Variants in RNF138 observed in about 807,000 individuals in gnomAD.
RNF138 encodes ring finger protein 138.
A neutral mutation model predicts 31.0 loss-of-function variants in RNF138; 12 were observed. The observed-to-expected ratio is 0.39, with a 90% CI of 0.25 to 0.63. The LOEUF (loss-of-function observed/expected upper bound fraction) is 0.63. RNF138 is among the 20% of genes least tolerant of loss of function. RNF138 has a pLI of 0.52. For missense variants in RNF138, 192 were observed against 300.1 expected (o/e 0.64, Z 2.66); for synonymous variants, 105 against 99.5 (o/e 1.06, Z -0.33).
At chr18:32,114,318 T>G (rs1013765334) in intron 4 of RNF138, among the ~76,000 whole-genome samples, 1 of 152,218 alleles carries the variant, frequency 6.6e-6, no homozygotes, top group Non-Finnish European at 1.5e-5. Context: ...CAGTTCTGTT[T>G]GAGTCTCATT....
chr18:32,103,598 C>T (rs971161534), intron 2 of RNF138, among the ~76,000 whole-genome samples: 2 of 152,024 alleles, frequency 1.3e-5, no homozygotes, highest in African/African-American at 2.4e-5. Flanking sequence ...AGCAATTTTC[C>T]ACAAAATATT....
At chr18:32,118,395 G>A (rs1236397024) in intron 4 of RNF138, among the ~76,000 whole-genome samples, 11 of 151,904 alleles carry the variant, frequency 7.2e-5, no homozygotes, top group African/African-American at 1.2e-4. Context: ...TTAGCCAGGC[G>A]TGGTGGCACA....
chr18:32,093,623 G>A (rs905530972), intron 2 of RNF138, among the ~76,000 whole-genome samples: 1 of 152,182 alleles, frequency 6.6e-6, no homozygotes, highest in African/African-American at 2.4e-5. Flanking sequence ...GGGTGGAGAG[G>A]AGAAAGGAAG....
rs572112464 is a variant in RNF138 at position 32,093,698 on chromosome 18, G to A, written c.110+812G>A. 1.2e-4 allele frequency among the ~76,000 whole-genome samples: 18 copies of A among 152,330 alleles called. No individual in the cohort carries two copies. In the East Asian group the frequency reaches 3.5e-3, roughly 29 times the overall value. On this transcript the variant is annotated intron_variant, in intron 2 of 7. Transcript: ENST00000261593. The stretch of plus-strand genomic sequence containing the variant: ...CCAGGGTGGGGGAGAACACAAAGGG[G>A]TTGGGTGAGATAACGCATGCGTTTG...
At chr18:32,119,116 T>G (rs1281620994) in intron 4 of RNF138, among the ~76,000 whole-genome samples, 2 of 152,192 alleles carry the variant, frequency 1.3e-5, no homozygotes, top group Admixed American at 6.5e-5. Flanking sequence ...GATAAACCAT[T>G]TGGTAACATT....
chr18:32,116,416 T>C (rs1341163805), intron 4 of RNF138, among the ~76,000 whole-genome samples: 1 of 152,192 alleles, frequency 6.6e-6, no homozygotes, highest in East Asian at 1.9e-4. Flanking sequence ...TTTAGTCTTA[T>C]TTATTTCTAT....
rs2040446250 is a variant in RNF138, at chr18:32,129,934, A to C, written c.*747A>C. 6.6e-6 allele frequency: 1 copy of C among 152,174 alleles called. No individual in the cohort carries two copies. Among genetic ancestry groups the C allele is most frequent in the Non-Finnish European group, 1.5e-5 (1 of 67,934 alleles). The allele number at this position is 152,174 out of a possible 1,614,324, so 9.4% of individuals were successfully genotyped here. A position where few individuals can be genotyped will look rare whatever the true frequency, so the allele number is the denominator to read the frequency against. On this transcript the variant is annotated 3_prime_UTR_variant, in exon 8 of 8. Transcript: ENST00000261593. ...CTGAATAACAGCTCTTTGGCCTCAGAATTTTCAGTAGCCAGTATTTCTGAT... is the reference window on the plus strand; with the variant it reads ...CTGAATAACAGCTCTTTGGCCTCAGCATTTTCAGTAGCCAGTATTTCTGAT...
At position 32,093,127 on chromosome 18, in the gene RNF138, GCTCTC is replaced by G. The variant is rs1286082237; in HGVS notation, c.110+243_110+247del. 5.7e-4 allele frequency among the ~76,000 whole-genome samples: 87 copies of G among 151,496 alleles called. 1 individual carries two copies. The highest frequency in any genetic ancestry group is 1.9e-3 in the African/African-American group (80 of 41,374). ...CAAGCTCCCGCTCTCCCGCTCTCCC[GCTCTC>G]CCGCTCTCCCGCTCTCCCTGGCTTT... On this transcript the variant is annotated intron_variant, in intron 2 of 7. Transcript: ENST00000261593.
At chr18:32,101,986 C>T (rs992546474) in intron 2 of RNF138, among the ~76,000 whole-genome samples, 4 of 151,816 alleles carry the variant, frequency 2.6e-5, no homozygotes, top group Admixed American at 6.6e-5. Flanking sequence ...AAGCGATCCT[C>T]CCACCTCAGC....
intron 2 of RNF138, among the ~76,000 whole-genome samples, chr18:32,100,018 C>G (rs1022895343): frequency 6.6e-6 from 1 of 152,186 alleles, no homozygotes; most frequent in African/African-American, 2.4e-5. Flanking sequence ...GATTTGAGAA[C>G]TGTCAATTAT....
rs1175427545 is a variant in RNF138, at chr18:32,111,866, C to T, written c.223C>T (p.Leu75Phe). 5 of 1,613,286 alleles carry T rather than the reference C, an allele frequency of 3.1e-6. No individual in the cohort carries two copies. Among genetic ancestry groups the T allele is most frequent in the East Asian group, 2.2e-5 (1 of 44,850 alleles). ...ERACPERALD[L>F]ENIMRKFSGS... Reference sequence around the variant, plus strand: ...AGCATGTCCTGAACGGGCCTTAGACCTTGAAAATATAATGAGGAAGTTTTC... The same window carrying T: ...AGCATGTCCTGAACGGGCCTTAGACTTTGAAAATATAATGAGGAAGTTTTC... Residue 75 changes from leucine (L) to phenylalanine (F), a missense_variant, in exon 3 of 8, where the codon CTT becomes TTT. Leu to Phe is a conservative substitution (Grantham distance 22). Around this residue, in one of 2 missense-constraint regions of RNF138, gnomAD observed 140 missense variants for 251.7 expected, o/e 0.56. Transcript: ENST00000261593.
intron 2 of RNF138, among the ~76,000 whole-genome samples, chr18:32,106,123 T>A (rs938490949): frequency 6.6e-6 from 1 of 152,222 alleles, no homozygotes; most frequent in African/African-American, 2.4e-5. Flanking sequence ...TAAAAAAATT[T>A]TAGGGTGAAG....
rs550113581 is a variant in RNF138 at position 32,119,192 on chromosome 18, C to A, written c.393-4326C>A. 9.3e-4 allele frequency among the ~76,000 whole-genome samples: 141 copies of A among 152,202 alleles called. 4 individuals carry two copies. The South Asian group carries it at 0.028, about 31-fold the overall frequency. ...ACTTCTGTTCTACACATCTCTGCATCCTGATTTTTTCTGGGGGAGGGGCAG... is the reference window on the plus strand; with the variant it reads ...ACTTCTGTTCTACACATCTCTGCATACTGATTTTTTCTGGGGGAGGGGCAG... On this transcript the variant is annotated intron_variant, in intron 4 of 7. Transcript: ENST00000261593.
rs545677273 is a variant in RNF138 at position 32,130,463 on chromosome 18, T to G, written c.*1276T>G. The G allele has an allele frequency of 6.6e-6, 1 of 152,522 alleles. No homozygotes were observed. The highest frequency in any genetic ancestry group is 1.9e-4 in the East Asian group (1 of 5,188). 9.4% of individuals were successfully genotyped at this position (152,522 alleles called of 1,614,324 possible). A position where few individuals can be genotyped will look rare whatever the true frequency, so the allele number is the denominator to read the frequency against. ...TTCATTAGTGAGAATCACAAAGTAT[T>G]TTGTAGAAGGCCCAAATCACAGAAT... On this transcript the variant is annotated 3_prime_UTR_variant, in exon 8 of 8. Coordinates refer to ENST00000261593, the MANE Select transcript of RNF138 (RefSeq NM_016271.5).
intron 2 of RNF138, among the ~76,000 whole-genome samples, chr18:32,107,184 G>A (rs1475014693): frequency 4.3e-5 from 6 of 140,500 alleles, no homozygotes; most frequent in South Asian, 2.3e-4. Context: ...GCAGTGGCGC[G>A]ATCTCGGCTC....
intron 2 of RNF138, among the ~76,000 whole-genome samples, chr18:32,105,809 G>C (rs914448785): frequency 3.3e-5 from 5 of 152,206 alleles, no homozygotes; most frequent in Non-Finnish European, 7.3e-5. Context: ...AATGTCGTCT[G>C]TTCTACTTGC....
intron 5 of RNF138, chr18:32,124,474 GGTTTTTGTTTTT>G (rs900340573): frequency 5.7e-6 from 2 of 350,130 alleles, no homozygotes; most frequent in African/African-American, 2.0e-5. Flanking sequence ...GAGTCAGCTA[GGTTTTTGTTTTT>G]GTTTTTGTTT....
At chr18:32,095,667 C>T (rs1190812230) in intron 2 of RNF138, among the ~76,000 whole-genome samples, 3 of 152,092 alleles carry the variant, frequency 2.0e-5, no homozygotes, top group African/African-American at 7.2e-5. Flanking sequence ...ATTTCAATGA[C>T]AGGAAAGGAT....
At chr18:32,093,136 C>T (rs1206424265) in intron 2 of RNF138, among the ~76,000 whole-genome samples, 1 of 150,986 alleles carries the variant, frequency 6.6e-6, no homozygotes, top group Admixed American at 6.6e-5. Context: ...CGCTCTCCCG[C>T]TCTCCCGCTC....
Sources: gnomAD v4.1 joint callset for allele counts (sites outside exome capture counted in the v4.1 genomes callset) on GRCh38, gnomAD v4.1.1 for gene constraint, gnomAD v4.1.1 regional missense constraint, MANE v1.5 for transcripts, NCBI Gene and HGNC (gene_info 2026-07-23, HGNC 2026-07-21) for gene names.